NRG2: variants seen among roughly 807,000 people sequenced by gnomAD.
The protein encoded by NRG2 is neuregulin 2.
Under a neutral mutation model 73.9 loss-of-function variants are expected in NRG2, and 27 were observed. The observed-to-expected ratio is 0.37, with a 90% CI of 0.27 to 0.50. NRG2 has a LOEUF of 0.50. Among genes scored for constraint, NRG2 ranks in the 20% least tolerant of loss-of-function variants. NRG2 has a pLI of 0.96. For synonymous variants in NRG2, 532 were observed against 541.0 expected, an observed-to-expected ratio of 0.98 and a Z score of 0.23; for missense variants, 1,126 against 1,210.1, an observed-to-expected ratio of 0.93 and a Z score of 1.03.
chr5:139,853,019 C>T lies in NRG2; in HGVS notation c.1301G>A (p.Arg434Gln), dbSNP rs1036429644. 9.9e-6 allele frequency: 16 copies of T among 1,613,396 alleles called. No homozygotes were observed. The highest frequency in any genetic ancestry group is 4.5e-5 in the East Asian group (2 of 44,824). The stretch of plus-strand genomic sequence containing the variant: ...CCGGAGGTGGTTGTGCATCTGCTTC[C>T]GCTGTTTTCTGCACAAGGGAAGGGA... ...VVAYCKTKKQ[R>Q]KQMHNHLRQN... The change falls in exon 7 of 10, where the codon CGG becomes CAG. Residue 434 changes from arginine to glutamine, a missense_variant. By Grantham distance (43) the Arg-to-Gln change is conservative. Coordinates refer to ENST00000361474, the MANE Select transcript of NRG2 (RefSeq NM_004883.3). The surrounding 1 kb of genome is among the most constrained non-coding windows in gnomAD (Gnocchi z 4.1).
intron 1 of NRG2, among the ~76,000 whole-genome samples, chr5:139,945,010 TGAG>T (rs1753702016): frequency 6.6e-6 from 1 of 152,206 alleles, no homozygotes; most frequent in Non-Finnish European, 1.5e-5. Flanking sequence ...TTAGTGATGC[TGAG>T]GATTTTTCAT....
intron 1 of NRG2, among the ~76,000 whole-genome samples, chr5:139,947,268 A>T (rs1338789261): frequency 6.6e-6 from 1 of 152,310 alleles, no homozygotes; most frequent in Middle Eastern, 3.4e-3. Flanking sequence ...AGAAACTGCT[A>T]ATCAGCCTTC....
At chr5:139,994,021 T>C (rs1757847173) in intron 1 of NRG2, among the ~76,000 whole-genome samples, 4 of 152,206 alleles carry the variant, frequency 2.6e-5, no homozygotes, top group Admixed American at 1.3e-4. Flanking sequence ...GTAATCTTAT[T>C]ATAATGAAAG....
chr5:139,892,897 TTGAA>T (rs1173230066), intron 1 of NRG2, among the ~76,000 whole-genome samples: 1 of 152,200 alleles, frequency 6.6e-6, no homozygotes, highest in Non-Finnish European at 1.5e-5. Flanking sequence ...CCCCTGTTTA[TTGAA>T]TGCCTGCTAT....
At chr5:139,880,102 CTGTG>C (rs1461984419) in intron 3 of NRG2, among the ~76,000 whole-genome samples, 1 of 152,118 alleles carries the variant, frequency 6.6e-6, no homozygotes, top group Non-Finnish European at 1.5e-5. Context: ...CACACTCAGT[CTGTG>C]TGTGTTGGGG....
At chr5:139,999,705 G>A (rs2126617449) in intron 1 of NRG2, among the ~76,000 whole-genome samples, 1 of 152,308 alleles carries the variant, frequency 6.6e-6, no homozygotes, top group Non-Finnish European at 1.5e-5. Flanking sequence ...GTCTTTACAA[G>A]GAGCATCCTT....
Position 139,852,418 on chromosome 5 carries a change from TTGG to T in NRG2, c.1544+11_1544+13del, listed in dbSNP as rs759904372. On this transcript the variant is annotated intron_variant, in intron 8 of 9. Transcript: ENST00000361474. The surrounding 1 kb of genome is among the most constrained non-coding windows in gnomAD (Gnocchi z 4.4). ...GTGAGTCTACAAGTTTCCATGGGCC[TTGG>T]TGGTGCCTACCTGTGGCTGGAGGTG... 6.2e-7 allele frequency: 1 copy of T among 1,611,174 alleles called. No individual in the cohort carries two copies. The highest frequency in any genetic ancestry group is 1.1e-5 in the South Asian group (1 of 90,390).
At chr5:139,867,798 A>ATGTG (rs1762572344) in intron 4 of NRG2, among the ~76,000 whole-genome samples, 2 of 57,238 alleles carry the variant, frequency 3.5e-5, no homozygotes, top group Admixed American at 1.6e-4. Flanking sequence ...GTGTGTGTGT[A>ATGTG]TGAGTGTGTG....
intron 1 of NRG2, among the ~76,000 whole-genome samples, chr5:139,896,942 G>T (rs960467744): frequency 1.3e-5 from 2 of 152,210 alleles, no homozygotes; most frequent in Non-Finnish European, 2.9e-5. Context: ...GCCCTCAGGG[G>T]ATGTTTGCTG....
intron 1 of NRG2, among the ~76,000 whole-genome samples, chr5:139,925,692 C>T (rs1034025388): frequency 4.6e-5 from 7 of 152,236 alleles, no homozygotes; most frequent in South Asian, 2.1e-4. Flanking sequence ...GCCCTGCAGC[C>T]GAACCAGGCC....
intron 1 of NRG2, among the ~76,000 whole-genome samples, chr5:139,958,081 T>C (rs1754772371): frequency 6.6e-6 from 1 of 152,100 alleles, no homozygotes; most frequent in Non-Finnish European, 1.5e-5. Context: ...GGACCCCAAA[T>C]ATAAGCTTTC....
chr5:140,029,331 T>C (rs572071193), intron 1 of NRG2, among the ~76,000 whole-genome samples: 32 of 152,332 alleles, frequency 2.1e-4, no homozygotes, highest in African/African-American at 7.2e-4. Context: ...AGCCATTCTC[T>C]TTCCACTAAT....
At chr5:139,876,641 C>CA (rs1763193221) in intron 3 of NRG2, among the ~76,000 whole-genome samples, 1 of 151,944 alleles carries the variant, frequency 6.6e-6, no homozygotes, top group African/African-American at 2.4e-5. Context: ...TCCCCGACTG[C>CA]CCACAAGTGC....
intron 1 of NRG2, among the ~76,000 whole-genome samples, chr5:139,991,737 T>C (rs576716213): frequency 9.2e-5 from 14 of 152,302 alleles, no homozygotes; most frequent in Middle Eastern, 3.4e-3. Flanking sequence ...ACTTTTTGTA[T>C]AGGGTATGAG....
At chr5:139,875,686 G>A (rs1763131863) in intron 3 of NRG2, among the ~76,000 whole-genome samples, 1 of 152,082 alleles carries the variant, frequency 6.6e-6, no homozygotes, top group Non-Finnish European at 1.5e-5. Context: ...AGCACTTTTG[G>A]GAGACCAAGG....
chr5:140,020,137 C>T (rs1364407017), intron 1 of NRG2, among the ~76,000 whole-genome samples: 1 of 152,202 alleles, frequency 6.6e-6, no homozygotes, highest in Non-Finnish European at 1.5e-5. Context: ...GCTCAGAAGT[C>T]TCCTTGCTAT....
rs975807278 is a variant in NRG2, at chr5:139,887,568, T to C, written c.701-57A>G. 1 of 1,538,888 alleles carries C rather than the reference T, an allele frequency of 6.5e-7. No homozygotes were observed. The highest frequency in any genetic ancestry group is 8.9e-7 in the Non-Finnish European group (1 of 1,120,190). ...GTGGTGGTAGGGGCAGTGCCAAGCA[T>C]GAGTAGTGGAGAGTAAGGGCCACTG... On this transcript the variant is annotated intron_variant, in intron 1 of 9. Coordinates refer to ENST00000361474, the MANE Select transcript of NRG2 (RefSeq NM_004883.3). The surrounding 1 kb of genome is among the most constrained non-coding windows in gnomAD (Gnocchi z 4.5).
intron 5 of NRG2, chr5:139,861,846 C>T (rs562966855): frequency 8.4e-5 from 39 of 466,850 alleles, no homozygotes; most frequent in Non-Finnish European, 1.5e-4. Flanking sequence ...CATTGTTTGG[C>T]TATCCAGCCA....
At chr5:140,021,872 A>C (rs1760259077) in intron 1 of NRG2, among the ~76,000 whole-genome samples, 1 of 152,228 alleles carries the variant, frequency 6.6e-6, no homozygotes, top group South Asian at 2.1e-4. Flanking sequence ...GCACAAAAGA[A>C]GGCTCCATCC....
Sources: gnomAD v4.1 joint callset for allele counts (sites outside exome capture counted in the v4.1 genomes callset) on GRCh38, gnomAD v4.1.1 for gene constraint, Gnocchi (gnomAD v3.1) non-coding constraint, MANE v1.5 for transcripts, NCBI Gene and HGNC (gene_info 2026-07-23, HGNC 2026-07-21) for gene names.